TTYH3: variants seen among roughly 807,000 people sequenced by gnomAD.
TTYH3 encodes the protein protein tweety homolog 3.
A neutral mutation model predicts 68.2 loss-of-function variants in TTYH3; 23 were observed. The ratio of observed to expected loss-of-function variants is 0.34; its 90% CI spans 0.24 to 0.48. The LOEUF is 0.48. TTYH3 is among the 20% of genes least tolerant of loss of function. TTYH3 has a pLI of 0.99. For synonymous variants in TTYH3, 360 were observed against 332.8 expected (o/e 1.08, Z -0.89); for missense variants, 768 against 727.7 (o/e 1.06, Z -0.64).
intron 11 of TTYH3, among the ~76,000 whole-genome samples, chr7:2,658,044 C>G (rs2114997902): frequency 6.6e-6 from 1 of 152,362 alleles, no homozygotes; most frequent in East Asian, 1.9e-4. Context: ...TTGCCATGCA[C>G]AGGCCGCAGT....
intron 1 of TTYH3, among the ~76,000 whole-genome samples, chr7:2,643,127 G>A (rs777164990): frequency 9.9e-5 from 15 of 151,798 alleles, no homozygotes; most frequent in African/African-American, 3.4e-4. Context: ...AGGCCGAGGC[G>A]GGCAGATCAT....
intron 9 of TTYH3, 117 bp downstream of exon 9, chr7:2,653,127 G>A (rs888564656): frequency 2.4e-5 from 21 of 867,900 alleles, no homozygotes; most frequent in African/African-American, 1.0e-4. Flanking sequence ...CAGGCTGGCC[G>A]AGTGGGGACC....
At chr7:2,638,683 G>A (rs1002453473) in intron 1 of TTYH3, among the ~76,000 whole-genome samples, 1 of 152,228 alleles carries the variant, frequency 6.6e-6, no homozygotes, top group African/African-American at 2.4e-5. Context: ...TCACCGTCAT[G>A]GAATGCGTGA....
At position 2,656,382 on chromosome 7, in the gene TTYH3, C is replaced by T. The variant is rs1428754126; in HGVS notation, c.1114-16C>T. 1.2e-6 allele frequency: 2 copies of T among 1,602,424 alleles called. No homozygotes were observed. Among genetic ancestry groups the T allele is most frequent in the South Asian group, 2.2e-5 (2 of 90,524 alleles). ...TCCCTGTCTCTGGATCCTGCCATCT[C>T]ATCCCACGGCCTCAGGACTACGTGC... On this transcript the variant is annotated splice_polypyrimidine_tract_variant and intron_variant, in intron 10 of 13. Coordinates refer to ENST00000258796, the MANE Select transcript of TTYH3 (RefSeq NM_025250.3).
chr7:2,659,398 C>A (rs943663024), intron 13 of TTYH3, among the ~76,000 whole-genome samples: 1 of 152,192 alleles, frequency 6.6e-6, no homozygotes, highest in Non-Finnish European at 1.5e-5. Flanking sequence ...CTGCACCAGG[C>A]CCTCCCTGGC....
chr7:2,658,292 T>G lies in TTYH3; in HGVS notation c.1257T>G (p.Pro419=). 2 of 1,576,428 alleles carry G rather than the reference T, an allele frequency of 1.3e-6. No homozygotes were observed. The highest frequency in any genetic ancestry group is 2.3e-5 in the South Asian group (2 of 87,182). ...TGCGTGTCCCTCCTCACAGAGGCCC[T>G]GATGAGGACGGGGAGGAGGAGGCCG... ...VPHTWQQKRG[P]DEDGEEEAAP... is the part of the protein sequence containing the mutation. Residue 419 remains proline, a synonymous_variant, in exon 12 of 14, where the codon CCT becomes CCG. Transcript: ENST00000258796.
At chr7:2,633,526 A>AGGGAGGC (rs1346220351) in intron 1 of TTYH3, among the ~76,000 whole-genome samples, 1 of 152,116 alleles carries the variant, frequency 6.6e-6, no homozygotes, top group Non-Finnish European at 1.5e-5. Flanking sequence ...AGCAGGGAGG[A>AGGGAGGC]GGGAGGCGGA....
chr7:2,660,574 C>G, intron 13 of TTYH3: 1 of 982,184 alleles, frequency 1.0e-6, no homozygotes, highest in Non-Finnish European at 1.2e-6. Context: ...CGTCCCGCCC[C>G]CATCCCCTCC....
chr7:2,644,996 G>A (rs1441423474), intron 1 of TTYH3, among the ~76,000 whole-genome samples: 4 of 152,254 alleles, frequency 2.6e-5, no homozygotes, highest in African/African-American at 9.6e-5. Flanking sequence ...GGGGTCCCAA[G>A]AGGGCCACAC....
chr7:2,649,767 C>T (rs1393682780), intron 6 of TTYH3, 128 bp downstream of exon 6: 2 of 1,424,940 alleles, frequency 1.4e-6, no homozygotes, highest in African/African-American at 2.8e-5. Context: ...TGGGGACCCA[C>T]CATGGGCACA....
chr7:2,657,115 T>C (rs1206285231), intron 11 of TTYH3, among the ~76,000 whole-genome samples: 1 of 152,232 alleles, frequency 6.6e-6, no homozygotes, highest in East Asian at 1.9e-4. Context: ...GAGTGGTGTA[T>C]TGGGGTGACA....
chr7:2,651,167 C>T (rs990440449), intron 7 of TTYH3, among the ~76,000 whole-genome samples: 2 of 152,096 alleles, frequency 1.3e-5, no homozygotes, highest in African/African-American at 4.8e-5. Flanking sequence ...TCAGGCCCCC[C>T]TTGTGGAATT....
At position 2,636,538 on chromosome 7, in the gene TTYH3, GGGCC is replaced by G. The variant is rs1265121522; in HGVS notation, c.123+4261_123+4264del. Reference sequence around the variant, plus strand: ...TTCTGTACCTACAGATGACAGAAGCGGGCCAGACACGGAGGCCCCCGGGGAGCTG... The same window carrying G: ...TTCTGTACCTACAGATGACAGAAGCGAGACACGGAGGCCCCCGGGGAGCTG... On this transcript the variant is annotated intron_variant, in intron 1 of 13. Transcript: ENST00000258796. Among the ~76,000 whole-genome samples, 32 of 152,292 alleles carry G rather than the reference GGGCC, an allele frequency of 2.1e-4. No homozygotes were observed. In the East Asian group the frequency reaches 6.2e-3, roughly 29 times the overall value.
chr7:2,653,270 C>A (rs957065291), intron 9 of TTYH3, among the ~76,000 whole-genome samples: 3 of 152,148 alleles, frequency 2.0e-5, no homozygotes, highest in Admixed American at 6.5e-5. Flanking sequence ...TTTTAAAAAT[C>A]ATTTCTTTTG....
At chr7:2,647,722 A>G (rs1385072317) in intron 4 of TTYH3, 84 bp downstream of exon 4, 2 of 1,399,182 alleles carry the variant, frequency 1.4e-6, no homozygotes, top group Non-Finnish European at 2.0e-6. Flanking sequence ...AGCACCTAGT[A>G]CATGAGGCCT....
At chr7:2,635,245 T>C (rs1000782711) in intron 1 of TTYH3, among the ~76,000 whole-genome samples, 1 of 152,196 alleles carries the variant, frequency 6.6e-6, no homozygotes, top group Non-Finnish European at 1.5e-5. Context: ...CAAGTGGGTC[T>C]GGCTGTCCTG....
chr7:2,663,563 G>A lies in TTYH3; in HGVS notation c.*1824G>A, dbSNP rs34650249. 4,688 of 152,652 alleles carry A rather than the reference G, an allele frequency of 0.031. 128 individuals carry two copies. The highest frequency in any genetic ancestry group is 0.071 in the African/African-American group (2,956 of 41,562). The allele number at this position is 152,652 out of a possible 1,614,324, so 9.5% of individuals were successfully genotyped here. A position where few individuals can be genotyped will look rare whatever the true frequency, so the allele number is the denominator to read the frequency against. ...CTGGCTGACATTCTGAGCCCCCCTC[G>A]GAGGCCCCGCCACAGCCAACCTGCC... is the stretch of plus-strand genomic sequence containing the variant. On this transcript the variant is annotated 3_prime_UTR_variant, in exon 14 of 14. Transcript: ENST00000258796.
At position 2,649,553 on chromosome 7, in the gene TTYH3, T is replaced by C. The variant is rs183203722; in HGVS notation, c.723-14T>C. ...CCTGGCCTGGGGGCTGCTGACTGGC[T>C]GTCTCTGCCCCAGGGTCTGCCTGCT... On this transcript the variant is annotated splice_polypyrimidine_tract_variant and intron_variant, in intron 5 of 13. Transcript: ENST00000258796. 1.8e-3 allele frequency: 2,756 copies of C among 1,573,326 alleles called. 53 individuals are homozygous for C. The African/African-American group carries it at 0.033, about 19-fold the overall frequency.
chr7:2,660,053 C>CG (rs56409742), intron 13 of TTYH3: 1,298,947 of 1,299,048 alleles, frequency 1, 649,423 homozygotes, highest in Non-Finnish European at 1. Flanking sequence ...ACTGACCCAC[C>CG]GGTCCCCCAT....
Sources: gnomAD v4.1 joint callset for allele counts (sites outside exome capture counted in the v4.1 genomes callset) on GRCh38, gnomAD v4.1.1 for gene constraint, MANE v1.5 for transcripts, NCBI Gene and HGNC (gene_info 2026-07-23, HGNC 2026-07-21) for gene names.